The following SYNE1 variants were observed in gnomAD, a reference collection of about 807,000 sequenced individuals.
SYNE1 encodes the protein nesprin-1.
SYNE1 carries 616 observed loss-of-function variants against 1,111.0 expected under a neutral mutation model. The observed-to-expected ratio is 0.55, with a 90% CI of 0.52 to 0.59. The LOEUF is 0.59. SYNE1 is among the 20% of genes least tolerant of loss of function. The probability of loss-of-function intolerance (pLI) is 0.00; values close to 1 mark genes in which losing one functional copy is unlikely to be tolerated. For missense variants in SYNE1, 10,006 were observed against 10,417.0 expected (o/e 0.96, Z 1.72); for synonymous variants, 3,855 against 3,825.8 (o/e 1.01, Z -0.28).
chr6:152,186,118 T>C (rs906339517), intron 128 of SYNE1, among the ~76,000 whole-genome samples: 1 of 151,736 alleles, frequency 6.6e-6, no homozygotes, highest in Non-Finnish European at 1.5e-5. Context: ...GTCACAAACA[T>C]TGAAAAGAAT....
At chr6:152,594,140 A>G (rs1201827182) in intron 3 of SYNE1, among the ~76,000 whole-genome samples, 2 of 152,194 alleles carry the variant, frequency 1.3e-5, no homozygotes, top group Non-Finnish European at 2.9e-5. Flanking sequence ...GAAGAGGTGA[A>G]GTCCCATAAA....
chr6:152,154,907 T>C lies in SYNE1; in HGVS notation c.24114A>G (p.Glu8038=), dbSNP rs2061105872. The stretch of plus-strand genomic sequence containing the variant: ...TATAGATTACCTCAAATTTCTTTAG[T>C]TCTTCCTTGGCAACTGTATAGATCA... ...SGVIYTVAKE[E]LKKFEAFQRQ... Residue 8038 remains glutamate, a synonymous_variant, in exon 133 of 146, where the codon GAA becomes GAG. Coordinates refer to ENST00000367255, the MANE Select transcript of SYNE1 (RefSeq NM_182961.4). The C allele has an allele frequency of 1.1e-5, 17 of 1,614,186 alleles. No homozygotes were observed. Among genetic ancestry groups the C allele is most frequent in the Non-Finnish European group, 1.4e-5 (16 of 1,180,028 alleles).
At chr6:152,194,115 A>G (rs1426570552) in intron 127 of SYNE1, among the ~76,000 whole-genome samples, 1 of 152,078 alleles carries the variant, frequency 6.6e-6, no homozygotes, top group Non-Finnish European at 1.5e-5. Flanking sequence ...GCACCTTCAC[A>G]TGCTTTCTTA....
chr6:152,622,388 T>C (rs1456686885), intron 3 of SYNE1, among the ~76,000 whole-genome samples: 5 of 152,106 alleles, frequency 3.3e-5, no homozygotes, highest in African/African-American at 7.2e-5. Flanking sequence ...ATAGTACTTA[T>C]TAGTTATTTT....
In SYNE1 at chr6:152,449,535, C is replaced by CA; in HGVS notation, c.3501dup (p.Glu1168Ter). On this transcript the variant is annotated frameshift_variant, in exon 28 of 146. Transcript: ENST00000367255. LOFTEE classifies it high-confidence loss of function. Reference sequence around the variant, plus strand: ...GCAAATAATGACCCTGAACTTACTTCAACGGCACGTTTAACCTCTCCGTGG... The same window carrying CA: ...GCAAATAATGACCCTGAACTTACTTCAAACGGCACGTTTAACCTCTCCGTGG... 1 of 1,612,958 alleles carries CA rather than the reference C, an allele frequency of 6.2e-7. No individual in the cohort carries two copies. Among genetic ancestry groups the CA allele is most frequent in the Non-Finnish European group, 8.5e-7 (1 of 1,178,940 alleles).
Position 152,330,694 on chromosome 6 carries a change from T to C in SYNE1, c.13991A>G (p.Tyr4664Cys), listed in dbSNP as rs367979558. 5 of 1,614,058 alleles carry C rather than the reference T, an allele frequency of 3.1e-6. No individual in the cohort carries two copies. The Admixed American group carries it at 6.7e-5, about 22-fold the overall frequency. The change falls in exon 78 of 146, where the codon TAT (tyrosine) becomes TGT (cysteine). Residue 4664 changes from tyrosine to cysteine, a missense_variant. Physicochemically the swap from Tyr to Cys is radical, Grantham distance 194. Around this residue, in one of 7 missense-constraint regions of SYNE1, gnomAD observed 4,955 missense variants for 5,017.2 expected, o/e 0.99. Coordinates refer to ENST00000367255, the MANE Select transcript of SYNE1 (RefSeq NM_182961.4). ...AGCAAGAATTGCTTCCTGGACTTTATAGAACTTGTCTTTAGCCAAGGCAAC... is the reference window on the plus strand; with the variant it reads ...AGCAAGAATTGCTTCCTGGACTTTACAGAACTTGTCTTTAGCCAAGGCAAC... ...VIVALAKDKF[Y>C]KVQEAILARK...
At chr6:152,595,976 G>T (rs1375168975) in intron 3 of SYNE1, among the ~76,000 whole-genome samples, 1 of 151,704 alleles carries the variant, frequency 6.6e-6, no homozygotes, top group Non-Finnish European at 1.5e-5. Context: ...GGAGCTAGCT[G>T]CCCTGATCAG....
intron 42 of SYNE1, among the ~76,000 whole-genome samples, chr6:152,410,932 A>G (rs1353914326): frequency 6.6e-6 from 1 of 152,240 alleles, no homozygotes; most frequent in East Asian, 1.9e-4. Context: ...ATATATTCTT[A>G]TGATAGGACA....
chr6:152,136,861 CAA>C lies in SYNE1; in HGVS notation c.25459-45_25459-44del, dbSNP rs778245733. The C allele has an allele frequency of 1.7e-5, 27 of 1,594,414 alleles. No homozygotes were observed. In the South Asian group the frequency reaches 2.9e-4, roughly 17 times the overall value. ...GACAATCAAACAAGGACAATAATGA[CAA>C]AGATATTTTCCCTTGAAAATGTTTC... is the stretch of plus-strand genomic sequence containing the variant. On this transcript the variant is annotated intron_variant, in intron 140 of 145. Coordinates refer to ENST00000367255, the MANE Select transcript of SYNE1 (RefSeq NM_182961.4).
intron 38 of SYNE1, among the ~76,000 whole-genome samples, chr6:152,427,437 C>T (rs111509948): frequency 6.6e-6 from 1 of 152,134 alleles, no homozygotes; most frequent in African/African-American, 2.4e-5. Context: ...TATTCAGATG[C>T]CGGGCATTAC....
rs1451578096 is a variant in SYNE1 at position 152,364,179 on chromosome 6, AG to A, written c.10145+667del. On this transcript the variant is annotated intron_variant, in intron 63 of 145. Transcript: ENST00000367255. ...TGTCTCTCTTGCTGCCATGCGAAGA[AG>A]GATGTGTTTGCTTCCCCTTCCGCCA... Among the ~76,000 whole-genome samples, 4 of 152,292 alleles carry A rather than the reference AG, an allele frequency of 2.6e-5. No homozygotes were observed. In the East Asian group the frequency reaches 7.7e-4, roughly 29 times the overall value.
chr6:152,569,926 C>T (rs186549614), intron 3 of SYNE1, among the ~76,000 whole-genome samples: 1 of 152,278 alleles, frequency 6.6e-6, no homozygotes, highest in Admixed American at 6.5e-5. Flanking sequence ...TATTAAATTA[C>T]AGGTGATCTG....
At position 152,395,553 on chromosome 6, in the gene SYNE1, T is replaced by C; in HGVS notation, c.7675A>G (p.Lys2559Glu). Residue 2559 changes from lysine (K) to glutamate (E), a missense_variant, in exon 51 of 146, where the codon AAA becomes GAA. This residue lies in a region of SYNE1 where 4,955 missense variants were observed against 5,017.2 expected (regional missense o/e 0.99). Coordinates refer to ENST00000367255, the MANE Select transcript of SYNE1 (RefSeq NM_182961.4). ...AGTTCTCCCAAAAACATTTCAACTT[T>C]ATGAACTTCATTTTTCTTCTCAGGA... ...HIPEKKNEVH[K>E]VEMFLGELLA... is the part of the protein sequence containing the mutation. The C allele has an allele frequency of 6.2e-7, 1 of 1,614,104 alleles. No individual in the cohort carries two copies.
chr6:152,279,276 AC>A (rs1275281048), intron 97 of SYNE1, among the ~76,000 whole-genome samples: 6 of 150,034 alleles, frequency 4.0e-5, no homozygotes, highest in South Asian at 4.2e-4. Flanking sequence ...AAAAAAAAAA[AC>A]AAAAAAAAGT....
At chr6:152,490,584 C>T (rs1038441317) in intron 11 of SYNE1, among the ~76,000 whole-genome samples, 10 of 152,094 alleles carry the variant, frequency 6.6e-5, no homozygotes, top group African/African-American at 2.4e-4. Flanking sequence ...GAGAAAAACC[C>T]CCTTTGACTG....
intron 8 of SYNE1, among the ~76,000 whole-genome samples, chr6:152,507,374 A>G (rs2099063212): frequency 6.6e-6 from 1 of 152,214 alleles, no homozygotes; most frequent in Non-Finnish European, 1.5e-5. Flanking sequence ...AATACATAAT[A>G]TGCTTTTCTA....
intron 3 of SYNE1, among the ~76,000 whole-genome samples, chr6:152,596,262 G>GT (rs2099581166): frequency 2.6e-5 from 3 of 113,664 alleles, no homozygotes; most frequent in African/African-American, 1.0e-4. Flanking sequence ...ACAGTTTTTT[G>GT]TTTGTTTGTT....
chr6:152,405,710 T>G (rs988121770), intron 45 of SYNE1, among the ~76,000 whole-genome samples: 1 of 152,192 alleles, frequency 6.6e-6, no homozygotes, highest in African/African-American at 2.4e-5. Context: ...AGCTGTAATG[T>G]TAGTTTAGCA....
At chr6:152,465,766 TACACACACAC>T (rs71017538) in intron 17 of SYNE1, among the ~76,000 whole-genome samples, 1 of 133,358 alleles carries the variant, frequency 7.5e-6, no homozygotes, top group South Asian at 2.6e-4. Flanking sequence ...GAAGAACACA[TACACACACAC>T]ACACACACAC....
Sources: gnomAD v4.1 joint callset for allele counts (sites outside exome capture counted in the v4.1 genomes callset) on GRCh38, gnomAD v4.1.1 for gene constraint, gnomAD v4.1.1 regional missense constraint, MANE v1.5 for transcripts, NCBI Gene and HGNC (gene_info 2026-07-23, HGNC 2026-07-21) for gene names.